PKN2: variants seen among roughly 807,000 people sequenced by gnomAD.
PKN2 encodes the protein protein kinase N2, also known as serine/threonine-protein kinase N2.
PKN2 carries 38 observed loss-of-function variants against 119.1 expected under a neutral mutation model. The ratio of observed to expected loss-of-function variants is 0.32; its 90% CI spans 0.25 to 0.42. PKN2 has a LOEUF of 0.42. Among genes scored for constraint, PKN2 ranks in the 10% least tolerant of loss-of-function variants. The probability of loss-of-function intolerance (pLI) is 1.00; values close to 1 mark genes in which losing one functional copy is unlikely to be tolerated. For missense variants in PKN2, 850 were observed against 1,165.1 expected (o/e 0.73, Z 3.94); for synonymous variants, 390 against 384.9 (o/e 1.01, Z -0.15).
intron 1 of PKN2, among the ~76,000 whole-genome samples, chr1:88,717,278 G>A (rs1313073011): frequency 6.6e-6 from 1 of 152,064 alleles, no homozygotes; most frequent in Non-Finnish European, 1.5e-5. Flanking sequence ...GTATCTTGGA[G>A]TTGCTCTTCT....
chr1:88,833,521 C>T lies in PKN2; in HGVS notation c.*73C>T. The stretch of plus-strand genomic sequence containing the variant: ...AAAATAGCAACCCTTCATTTGCTCT[C>T]TGTGCCACCAATAGCTTCTGAGTTT... On this transcript the variant is annotated 3_prime_UTR_variant, in exon 22 of 22. Transcript: ENST00000370521. The T allele has an allele frequency of 8.9e-7, 1 of 1,124,114 alleles. No homozygotes were observed. Among genetic ancestry groups the T allele is most frequent in the South Asian group, 1.3e-5 (1 of 75,272 alleles). 69.6% of individuals were successfully genotyped at this position (1,124,114 alleles called of 1,614,324 possible).
intron 1 of PKN2, among the ~76,000 whole-genome samples, chr1:88,734,022 G>A (rs1281594640): frequency 2.0e-5 from 3 of 152,088 alleles, no homozygotes; most frequent in African/African-American, 7.2e-5. Context: ...GCTAGGCATA[G>A]TGGAGCCCAC....
At chr1:88,716,619 T>C (rs1269958966) in intron 1 of PKN2, among the ~76,000 whole-genome samples, 1 of 152,214 alleles carries the variant, frequency 6.6e-6, no homozygotes, top group Non-Finnish European at 1.5e-5. Context: ...CTGCAACCCC[T>C]GCTTTTTTTT....
chr1:88,784,600 G>A, intron 6 of PKN2, 39 bp from the exon 7 acceptor site: 1 of 1,285,186 alleles, frequency 7.8e-7, no homozygotes. Context: ...CATAGATTAA[G>A]GGTTGATGTT....
intron 8 of PKN2, among the ~76,000 whole-genome samples, chr1:88,792,362 C>T (rs1670877176): frequency 6.6e-6 from 1 of 152,112 alleles, no homozygotes; most frequent in Non-Finnish European, 1.5e-5. Flanking sequence ...AAGATCGTGC[C>T]ACTGGACTCC....
intron 8 of PKN2, among the ~76,000 whole-genome samples, chr1:88,796,182 T>C (rs1186379996): frequency 1.3e-5 from 2 of 152,216 alleles, no homozygotes; most frequent in Non-Finnish European, 2.9e-5. Context: ...TCTTAGAATC[T>C]TTGCATTTAA....
chr1:88,833,069 T>C lies in PKN2; in HGVS notation c.2671-8T>C, dbSNP rs552829977. On this transcript the variant is annotated splice_region_variant and splice_polypyrimidine_tract_variant and intron_variant, in intron 20 of 21. Transcript: ENST00000370521. ...TTATTTTAACTTTTTTATTTTACAT[T>C]ATGCTAGCTGTTAAGAAGAAATCCT... 3.1e-6 allele frequency: 5 copies of C among 1,600,518 alleles called. No individual in the cohort carries two copies. The African/African-American group carries it at 6.7e-5, about 22-fold the overall frequency.
At chr1:88,739,654 T>C (rs1019225306) in intron 1 of PKN2, among the ~76,000 whole-genome samples, 1 of 152,250 alleles carries the variant, frequency 6.6e-6, no homozygotes, top group Non-Finnish European at 1.5e-5. Context: ...GTAACCATTA[T>C]CTTTGGTTTC....
intron 1 of PKN2, among the ~76,000 whole-genome samples, chr1:88,690,510 C>T (rs1006771740): frequency 2.6e-5 from 4 of 152,136 alleles, no homozygotes; most frequent in African/African-American, 9.7e-5. Context: ...AGAGTTCAAA[C>T]TTGACAGCAA....
chr1:88,805,289 AC>A (rs1196444551), intron 10 of PKN2, among the ~76,000 whole-genome samples: 4 of 152,190 alleles, frequency 2.6e-5, no homozygotes, highest in African/African-American at 4.8e-5. Flanking sequence ...AGAGAAAAAA[AC>A]AATTTCTTAC....
Position 88,730,407 on chromosome 1 carries a change from C to T in PKN2, c.49-10581C>T, listed in dbSNP as rs181543432. On this transcript the variant is annotated intron_variant, in intron 1 of 21. Coordinates refer to ENST00000370521, the MANE Select transcript of PKN2 (RefSeq NM_006256.4). ...GGGACCCAGGCTCTCTCTCTTTCTG[C>T]TCTGCCATCCTTAGTGTATTGGGTT... 1.1e-4 allele frequency among the ~76,000 whole-genome samples: 16 copies of T among 152,316 alleles called. No homozygotes were observed. In the East Asian group the frequency reaches 2.5e-3, roughly 24 times the overall value.
chr1:88,693,666 G>A (rs1326068431), intron 1 of PKN2, among the ~76,000 whole-genome samples: 1 of 152,126 alleles, frequency 6.6e-6, no homozygotes, highest in East Asian at 1.9e-4. Flanking sequence ...AGCTGGAATC[G>A]TGTCATTGCA....
In PKN2 at chr1:88,801,197, C is replaced by T. The variant is rs570977359; in HGVS notation, c.1282-3194C>T. Among the ~76,000 whole-genome samples, 5 of 152,188 alleles carry T rather than the reference C, an allele frequency of 3.3e-5. No individual in the cohort carries two copies. The East Asian group carries it at 7.7e-4, about 24-fold the overall frequency. ...GTCAGGAGTTCGAGACCAGCCTAGC[C>T]AACATGGCAAAACCCCATCTCTATT... On this transcript the variant is annotated intron_variant, in intron 8 of 21. Coordinates refer to ENST00000370521, the MANE Select transcript of PKN2 (RefSeq NM_006256.4).
chr1:88,828,882 T>C, intron 19 of PKN2: 1 of 610,284 alleles, frequency 1.6e-6, no homozygotes, highest in Non-Finnish European at 3.0e-6. Context: ...TTTTCTGATT[T>C]TAAGACATAG....
rs907660949 is a variant in PKN2 at position 88,835,116 on chromosome 1, CTG to C, written c.*1669_*1670del. 3 of 152,122 alleles carry C rather than the reference CTG, an allele frequency of 2.0e-5. No homozygotes were observed. The highest frequency in any genetic ancestry group is 2.9e-5 in the Non-Finnish European group (2 of 67,898). 9.4% of individuals were successfully genotyped at this position (152,122 alleles called of 1,614,324 possible). On this transcript the variant is annotated 3_prime_UTR_variant, in exon 22 of 22. Transcript: ENST00000370521. ...TGTTTTAGCATCTTTTCATTGTACT[CTG>C]AGAACAATTAAAATTGTCCAGAGAT...
At chr1:88,715,924 G>A (rs190901475) in intron 1 of PKN2, among the ~76,000 whole-genome samples, 11 of 152,210 alleles carry the variant, frequency 7.2e-5, no homozygotes, top group Admixed American at 7.2e-4. Flanking sequence ...TTCTCTTATG[G>A]GCATTTAGTG....
chr1:88,779,970 A>G (rs1309501928), intron 6 of PKN2, among the ~76,000 whole-genome samples: 1 of 152,218 alleles, frequency 6.6e-6, no homozygotes, highest in African/African-American at 2.4e-5. Flanking sequence ...TGTAGTCACC[A>G]TTCAGACTAC....
At chr1:88,727,242 T>TA (rs1167781944) in intron 1 of PKN2, among the ~76,000 whole-genome samples, 2 of 152,118 alleles carry the variant, frequency 1.3e-5, no homozygotes, top group African/African-American at 2.4e-5. Context: ...TTACTTTTTT[T>TA]ATTAATGTTT....
At chr1:88,705,587 A>G (rs565468310) in intron 1 of PKN2, among the ~76,000 whole-genome samples, 2 of 152,066 alleles carry the variant, frequency 1.3e-5, no homozygotes, top group South Asian at 2.1e-4. Context: ...AGTCCCAGCT[A>G]CTTGAGAGGC....
Sources: allele counts gnomAD v4.1 joint callset (sites outside exome capture counted in the v4.1 genomes callset), GRCh38; gene constraint gnomAD v4.1.1; transcripts MANE v1.5; gene names NCBI Gene and HGNC (gene_info 2026-07-23, HGNC 2026-07-21).